Variants in RALYL observed in about 807,000 individuals in gnomAD.
RALYL encodes the protein RALY RNA binding protein like.
A neutral mutation model predicts 35.1 loss-of-function variants in RALYL; 29 were observed. The observed-to-expected ratio is 0.83, with a 90% CI of 0.61 to 1.13. RALYL has a LOEUF of 1.13. Among genes scored for constraint, RALYL ranks in the 50% most tolerant of loss-of-function variants. RALYL has a pLI of 0.00. For synonymous variants in RALYL, 120 were observed against 127.6 expected (o/e 0.94, Z 0.40); for missense variants, 359 against 360.4 (o/e 1.00, Z 0.03).
intron 1 of RALYL, among the ~76,000 whole-genome samples, chr8:84,343,546 T>G (rs112643429): frequency 0.045 from 6,876 of 152,184 alleles, 246 homozygotes; most frequent in Non-Finnish European, 0.06. Context: ...AGTGATATTT[T>G]TTCCTCCTCT....
At chr8:84,841,830 A>C (rs1332248610) in intron 4 of RALYL, among the ~76,000 whole-genome samples, 1 of 152,210 alleles carries the variant, frequency 6.6e-6, no homozygotes, top group African/African-American at 2.4e-5. Context: ...AAAACCACTC[A>C]ACTACATGGA....
intron 1 of RALYL, among the ~76,000 whole-genome samples, chr8:84,382,299 A>C (rs976892111): frequency 6.6e-6 from 1 of 150,982 alleles, no homozygotes; most frequent in Admixed American, 6.6e-5. Context: ...CCTTTGAAAT[A>C]GTTATCTTTA....
intron 2 of RALYL, among the ~76,000 whole-genome samples, chr8:84,570,135 A>G (rs2135761836): frequency 6.6e-6 from 1 of 152,048 alleles, no homozygotes; most frequent in East Asian, 1.9e-4. Context: ...TGACATTAGT[A>G]ATTGGATAGG....
At chr8:84,451,138 T>C (rs922104793) in intron 1 of RALYL, among the ~76,000 whole-genome samples, 2 of 152,076 alleles carry the variant, frequency 1.3e-5, no homozygotes, top group Non-Finnish European at 2.9e-5. Context: ...TGAGTCTCTA[T>C]GGCTTAAAGT....
At chr8:84,287,484 C>T (rs140215459) in intron 1 of RALYL, among the ~76,000 whole-genome samples, 593 of 152,028 alleles carry the variant, frequency 3.9e-3, no homozygotes, top group Non-Finnish European at 6.0e-3. Flanking sequence ...AATTGAGTGG[C>T]AGTTGGTAGA....
chr8:84,869,387 AT>A (rs1354732369), intron 6 of RALYL, among the ~76,000 whole-genome samples: 1 of 152,184 alleles, frequency 6.6e-6, no homozygotes, highest in Non-Finnish European at 1.5e-5. Context: ...ATAATGTATA[AT>A]GGCTGGGGAA....
Position 84,887,723 on chromosome 8 carries a change from G to A in RALYL, c.805G>A (p.Glu269Lys). 2 of 1,613,956 alleles carry A rather than the reference G, an allele frequency of 1.2e-6. No homozygotes were observed. Among genetic ancestry groups the A allele is most frequent in the Non-Finnish European group, 1.7e-6 (2 of 1,179,822 alleles). The change falls in exon 8 of 9, where the codon GAG becomes AAG. Residue 269 changes from glutamate to lysine, a missense_variant. Physicochemically the swap from Glu to Lys is moderately conservative, Grantham distance 56. Coordinates refer to ENST00000521268, the MANE Select transcript of RALYL (RefSeq NM_173848.7). ...AEGGPDADGE[E>K]MTDGIEEDFD... Reference sequence around the variant, plus strand: ...AGGAGGGCCAGATGCCGATGGAGAAGAGATGACAGATGGGATAGAGGAGGA... The same window carrying A: ...AGGAGGGCCAGATGCCGATGGAGAAAAGATGACAGATGGGATAGAGGAGGA...
intron 2 of RALYL, among the ~76,000 whole-genome samples, chr8:84,685,076 T>G (rs1836467785): frequency 6.6e-6 from 1 of 152,114 alleles, no homozygotes; most frequent in Admixed American, 6.6e-5. Flanking sequence ...ATGAGGATTC[T>G]ACCCTCATGA....
chr8:84,598,188 G>T lies in RALYL; in HGVS notation c.256+68611G>T, dbSNP rs183112791. Among the ~76,000 whole-genome samples the T allele has an allele frequency of 2.6e-5, 4 of 152,088 alleles. No homozygotes were observed. The East Asian group carries it at 7.8e-4, about 29-fold the overall frequency. On this transcript the variant is annotated intron_variant, in intron 2 of 8. Coordinates refer to ENST00000521268, the MANE Select transcript of RALYL (RefSeq NM_173848.7). The stretch of plus-strand genomic sequence containing the variant: ...TCGCATTACTTATTTATTTTTAGGG[G>T]CAGGGTCTTGCTCTCTCACCCAACC...
chr8:84,224,955 A>T (rs1053715073), intron 1 of RALYL, among the ~76,000 whole-genome samples: 3 of 152,086 alleles, frequency 2.0e-5, no homozygotes, highest in African/African-American at 7.2e-5. Flanking sequence ...GCACCCGGCC[A>T]CTTCATTAAT....
intron 8 of RALYL, among the ~76,000 whole-genome samples, chr8:84,892,954 T>A (rs1172180613): frequency 6.6e-6 from 1 of 152,088 alleles, no homozygotes; most frequent in African/African-American, 2.4e-5. Flanking sequence ...TCTGAATAAA[T>A]CCACTAGCAA....
At chr8:84,820,950 A>C (rs1302167390) in intron 4 of RALYL, among the ~76,000 whole-genome samples, 1 of 152,220 alleles carries the variant, frequency 6.6e-6, no homozygotes, top group Non-Finnish European at 1.5e-5. Flanking sequence ...TTTAAAAATA[A>C]GATCTTAGTC....
chr8:84,839,363 G>A (rs374147978), intron 4 of RALYL, among the ~76,000 whole-genome samples: 2 of 152,342 alleles, frequency 1.3e-5, no homozygotes, highest in African/African-American at 2.4e-5. Context: ...ATGGAGCCTC[G>A]CTCATTGCTA....
intron 1 of RALYL, among the ~76,000 whole-genome samples, chr8:84,480,754 T>A (rs1462254452): frequency 2.0e-5 from 3 of 152,158 alleles, no homozygotes; most frequent in Non-Finnish European, 2.9e-5. Context: ...ATAGCAGAGA[T>A]GACTTTTATA....
intron 1 of RALYL, among the ~76,000 whole-genome samples, chr8:84,198,020 A>G (rs1024620892): frequency 6.6e-6 from 1 of 152,144 alleles, no homozygotes; most frequent in Non-Finnish European, 1.5e-5. Context: ...GTAGTTCCTC[A>G]CTGATGTTTT....
At chr8:84,434,989 C>T (rs2047546052) in intron 1 of RALYL, among the ~76,000 whole-genome samples, 1 of 152,136 alleles carries the variant, frequency 6.6e-6, no homozygotes, top group African/African-American at 2.4e-5. Flanking sequence ...TTTGAACACA[C>T]TAACATGACC....
At chr8:84,191,129 G>A (rs779156807) in intron 1 of RALYL, among the ~76,000 whole-genome samples, 13 of 151,698 alleles carry the variant, frequency 8.6e-5, no homozygotes, top group East Asian at 1.9e-4. Flanking sequence ...ATGTGGCAGC[G>A]TCATAAAGAG....
At chr8:84,204,637 G>A (rs75375649) in intron 1 of RALYL, among the ~76,000 whole-genome samples, 131 of 152,236 alleles carry the variant, frequency 8.6e-4, no homozygotes, top group African/African-American at 3.0e-3. Flanking sequence ...GTTCCCCAAA[G>A]TACTGCTGTG....
At chr8:84,471,619 C>G (rs2133711756) in intron 1 of RALYL, among the ~76,000 whole-genome samples, 1 of 152,196 alleles carries the variant, frequency 6.6e-6, no homozygotes, top group South Asian at 2.1e-4. Flanking sequence ...ACAGGACACA[C>G]AGAATTGTAT....
Sources: gnomAD v4.1 joint callset for allele counts (sites outside exome capture counted in the v4.1 genomes callset) on GRCh38, gnomAD v4.1.1 for gene constraint, MANE v1.5 for transcripts, NCBI Gene and HGNC (gene_info 2026-07-23, HGNC 2026-07-21) for gene names.